Variants in KIRREL3 observed in about 807,000 individuals in gnomAD.
KIRREL3 encodes the protein kin of IRRE-like protein 3.
In KIRREL3, 36 loss-of-function variants were observed where a neutral mutation model predicts 89.7. That is an observed-to-expected ratio of 0.40 (90% confidence interval 0.31 to 0.53). The LOEUF (loss-of-function observed/expected upper bound fraction) is 0.53. KIRREL3 is among the 20% of genes least tolerant of loss of function. The probability of loss-of-function intolerance (pLI) is 0.49; values close to 1 mark genes in which losing one functional copy is unlikely to be tolerated. For synonymous variants in KIRREL3, 445 were observed against 441.4 expected, an observed-to-expected ratio of 1.01 and a Z score of -0.10; for missense variants, 864 against 1,056.6, an observed-to-expected ratio of 0.82 and a Z score of 2.53.
chr11:126,818,613 G>A (rs1206755979), intron 1 of KIRREL3, among the ~76,000 whole-genome samples: 2 of 92,442 alleles, frequency 2.2e-5, no homozygotes, highest in Admixed American at 2.4e-4. Flanking sequence ...TGTAGTAGTA[G>A]TAGTAGTAGT....
chr11:127,002,651 G>A (rs897500559), upstream of KIRREL3, among the ~76,000 whole-genome samples: 6 of 152,286 alleles, frequency 3.9e-5, no homozygotes, highest in Middle Eastern at 0.01. Context: ...AGGTGTCTGC[G>A]TGCCATTCTT....
At position 126,755,828 on chromosome 11, in the gene KIRREL3, AGAGAGAGAGAG is replaced by A. The variant is rs1211975876; in HGVS notation, c.56-192927_56-192917del. On this transcript the variant is annotated intron_variant, in intron 1 of 16. Transcript: ENST00000525144. The surrounding 1 kb of genome is among the most constrained non-coding windows in gnomAD (Gnocchi z 4.3). ...CTCGCCATCTGCCATTCAGGCAGAG[AGAGAGAGAGAG>A]AGAGAGAGAGAGAGAGGGAGAGAGG... Among the ~76,000 whole-genome samples, 7 of 3,624 alleles carry A rather than the reference AGAGAGAGAGAG, an allele frequency of 1.9e-3. No individual in the cohort carries two copies. The East Asian group carries it at 0.29, about 151-fold the overall frequency. The allele number at this position is 3,624 out of a possible 152,430, so 2.4% of individuals were successfully genotyped here.
At position 126,575,793 on chromosome 11, in the gene KIRREL3, C is replaced by G. The variant is rs1483422840; in HGVS notation, c.56-12881G>C. 6.6e-6 allele frequency among the ~76,000 whole-genome samples: 1 copy of G among 152,174 alleles called. No homozygotes were observed. The highest frequency in any genetic ancestry group is 1.5e-5 in the Non-Finnish European group (1 of 68,032). ...GGATTCTCACACCCCTCTCAAGCATCACATTTCATTCATAGTTCAAGAGCC... is the reference window on the plus strand; with the variant it reads ...GGATTCTCACACCCCTCTCAAGCATGACATTTCATTCATAGTTCAAGAGCC... On this transcript the variant is annotated intron_variant, in intron 1 of 16. Coordinates refer to ENST00000525144, the MANE Select transcript of KIRREL3 (RefSeq NM_032531.4). This position sits in a 1 kb window ranked among gnomAD's most constrained non-coding sequence, Gnocchi z 7.0.
At chr11:126,661,139 C>A (rs946884434) in intron 1 of KIRREL3, among the ~76,000 whole-genome samples, 1 of 152,208 alleles carries the variant, frequency 6.6e-6, no homozygotes. Context: ...AATGTTGTAA[C>A]TGCCTTCTGG....
chr11:126,849,511 C>T (rs535786263), intron 1 of KIRREL3, among the ~76,000 whole-genome samples: 1 of 152,318 alleles, frequency 6.6e-6, no homozygotes, highest in South Asian at 2.1e-4. Context: ...GGCCCCTTTC[C>T]AGTAACAGGA....
rs561837871 is a variant in KIRREL3 at position 126,970,088 on chromosome 11, C to A, written c.55+30367G>T. 6.6e-6 allele frequency among the ~76,000 whole-genome samples: 1 copy of A among 152,180 alleles called. No individual in the cohort carries two copies. Among genetic ancestry groups the A allele is most frequent in the Non-Finnish European group, 1.5e-5 (1 of 68,034 alleles). On this transcript the variant is annotated intron_variant, in intron 1 of 16. Transcript: ENST00000525144. The surrounding 1 kb of genome is among the most constrained non-coding windows in gnomAD (Gnocchi z 4.4). ...GCTGCCCTAGGTTGTCACCTAGGGA[C>A]GGAACAGGAAAATGCAGCCTCTCTA... is the stretch of plus-strand genomic sequence containing the variant.
At chr11:126,920,129 A>C (rs1216385198) in intron 1 of KIRREL3, 1 of 152,288 alleles carries the variant, frequency 6.6e-6, no homozygotes, top group Non-Finnish European at 1.5e-5. Flanking sequence ...TTCAAAGATG[A>C]AGTAATTTTC....
rs1354675261 is a variant in KIRREL3, at chr11:126,911,582, C to T, written c.55+88873G>A. Among the ~76,000 whole-genome samples, 4 of 152,174 alleles carry T rather than the reference C, an allele frequency of 2.6e-5. No homozygotes were observed. The East Asian group carries it at 5.8e-4, about 22-fold the overall frequency. Reference sequence around the variant, plus strand: ...CTCCCCGCAGCAGTAATGATCTGACCTGTGGACCACCCCTCAGGAAGTGTT... The same window carrying T: ...CTCCCCGCAGCAGTAATGATCTGACTTGTGGACCACCCCTCAGGAAGTGTT... On this transcript the variant is annotated intron_variant, in intron 1 of 16. Transcript: ENST00000525144.
Position 126,943,242 on chromosome 11 carries a change from A to G in KIRREL3, c.55+57213T>C, listed in dbSNP as rs1400732363. Among the ~76,000 whole-genome samples, 1 of 152,184 alleles carries G rather than the reference A, an allele frequency of 6.6e-6. No individual in the cohort carries two copies. Among genetic ancestry groups the G allele is most frequent in the African/African-American group, 2.4e-5 (1 of 41,448 alleles). On this transcript the variant is annotated intron_variant, in intron 1 of 16. Transcript: ENST00000525144. This position sits in a 1 kb window ranked among gnomAD's most constrained non-coding sequence, Gnocchi z 4.2. ...CCTTAAGCAGCTCCCATGGTAAAAC[A>G]TTCACCGTCATTCTTTCTCTCTTCT...
chr11:126,786,634 T>C (rs144732769), intron 1 of KIRREL3, among the ~76,000 whole-genome samples: 20 of 152,348 alleles, frequency 1.3e-4, no homozygotes, highest in Non-Finnish European at 2.5e-4. Flanking sequence ...CTTTTTCTTA[T>C]CAAAATGACT....
Position 126,594,126 on chromosome 11 carries a change from C to T in KIRREL3, c.56-31214G>A, listed in dbSNP as rs1350833796. ...ATCCTCCTCCCATCCTCCACCCCTC[C>T]CTCCTGGTCACAGGTTCTGCCCTGA... On this transcript the variant is annotated intron_variant, in intron 1 of 16. Coordinates refer to ENST00000525144, the MANE Select transcript of KIRREL3 (RefSeq NM_032531.4). This position sits in a 1 kb window ranked among gnomAD's most constrained non-coding sequence, Gnocchi z 5.0. 6.6e-6 allele frequency among the ~76,000 whole-genome samples: 1 copy of T among 152,166 alleles called. No homozygotes were observed. The highest frequency in any genetic ancestry group is 1.5e-5 in the Non-Finnish European group (1 of 68,032).
chr11:126,815,458 G>A (rs151328644), intron 1 of KIRREL3, among the ~76,000 whole-genome samples: 2 of 152,334 alleles, frequency 1.3e-5, no homozygotes, highest in East Asian at 3.9e-4. Context: ...TTGTGGAGGG[G>A]ATGAATGGGA....
In KIRREL3 at chr11:126,475,505, C is replaced by T. The variant is rs1482711642; in HGVS notation, c.434-2039G>A. Reference sequence around the variant, plus strand: ...CACAGCAGTGCCATTTCCTGAGGAACAAGCAACCTCCCAGGGCTTCCGAGA... The same window carrying T: ...CACAGCAGTGCCATTTCCTGAGGAATAAGCAACCTCCCAGGGCTTCCGAGA... On this transcript the variant is annotated intron_variant, in intron 4 of 16. Coordinates refer to ENST00000525144, the MANE Select transcript of KIRREL3 (RefSeq NM_032531.4). The surrounding 1 kb of genome is among the most constrained non-coding windows in gnomAD (Gnocchi z 7.5). 6.6e-6 allele frequency among the ~76,000 whole-genome samples: 1 copy of T among 152,224 alleles called. No homozygotes were observed. Among genetic ancestry groups the T allele is most frequent in the Admixed American group, 6.5e-5 (1 of 15,288 alleles).
intron 1 of KIRREL3, among the ~76,000 whole-genome samples, chr11:126,856,565 ATATATATATATATATATATAT>A (rs1944517278): frequency 2.0e-4 from 1 of 4,918 alleles, no homozygotes; most frequent in Admixed American, 3.1e-3. Flanking sequence ...GTATATATAT[ATATATATATATATATATATAT>A]ATATATATAT....
intron 1 of KIRREL3, among the ~76,000 whole-genome samples, chr11:126,849,617 AG>A (rs1944273954): frequency 6.6e-6 from 1 of 152,184 alleles, no homozygotes; most frequent in African/African-American, 2.4e-5. Context: ...AATCAGCTGC[AG>A]AAGGAGAAAG....
At position 126,687,702 on chromosome 11, in the gene KIRREL3, T is replaced by A. The variant is rs554975949; in HGVS notation, c.56-124790A>T. On this transcript the variant is annotated intron_variant, in intron 1 of 16. Coordinates refer to ENST00000525144, the MANE Select transcript of KIRREL3 (RefSeq NM_032531.4). This position sits in a 1 kb window ranked among gnomAD's most constrained non-coding sequence, Gnocchi z 4.6. ...ACTCTCCTACATGCCAGGCATTGTT[T>A]TGGATGCTGGGGATACAAAGATAAG... 6.6e-6 allele frequency among the ~76,000 whole-genome samples: 1 copy of A among 152,358 alleles called. No homozygotes were observed. The highest frequency in any genetic ancestry group is 2.1e-4 in the South Asian group (1 of 4,828).
At chr11:126,921,027 G>A (rs1369481615) in intron 1 of KIRREL3, among the ~76,000 whole-genome samples, 5 of 152,134 alleles carry the variant, frequency 3.3e-5, no homozygotes, top group Admixed American at 6.5e-5. Flanking sequence ...CATCTCTCTC[G>A]CCCCCTGTGG....
intron 1 of KIRREL3, among the ~76,000 whole-genome samples, chr11:126,789,209 C>T (rs1950566654): frequency 6.6e-6 from 1 of 152,110 alleles, no homozygotes; most frequent in Non-Finnish European, 1.5e-5. Context: ...TTCATCTTTT[C>T]TTCTTTCTTT....
At chr11:126,804,444 T>C (rs1951139470) in intron 1 of KIRREL3, among the ~76,000 whole-genome samples, 1 of 152,176 alleles carries the variant, frequency 6.6e-6, no homozygotes, top group African/African-American at 2.4e-5. Context: ...TGAAAGATTC[T>C]CTCCTATGGT....
Sources: gnomAD v4.1 joint callset for allele counts (sites outside exome capture counted in the v4.1 genomes callset) on GRCh38, gnomAD v4.1.1 for gene constraint, Gnocchi (gnomAD v3.1) non-coding constraint, MANE v1.5 for transcripts, NCBI Gene and HGNC (gene_info 2026-07-23, HGNC 2026-07-21) for gene names.